The following GNL2 variants were observed in gnomAD, a reference collection of about 807,000 sequenced individuals.
GNL2 encodes nucleolar GTP-binding protein 2.
In GNL2, 51 loss-of-function variants were observed where a neutral mutation model predicts 92.3. The ratio of observed to expected loss-of-function variants is 0.55; its 90% CI spans 0.44 to 0.70. GNL2 has a LOEUF of 0.70. GNL2 is among the 30% of genes least tolerant of loss of function. The probability of loss-of-function intolerance (pLI) is 0.00; values close to 1 mark genes in which losing one functional copy is unlikely to be tolerated. For synonymous variants in GNL2, 283 were observed against 300.6 expected, an observed-to-expected ratio of 0.94 and a Z score of 0.61; for missense variants, 844 against 895.6, an observed-to-expected ratio of 0.94 and a Z score of 0.74.
intron 7 of GNL2, among the ~76,000 whole-genome samples, 154 bp from the exon 8 acceptor site, chr1:37,582,490 A>G (rs1643786167): frequency 6.6e-6 from 1 of 152,258 alleles, no homozygotes; most frequent in African/African-American, 2.4e-5. Flanking sequence ...TTCCAAGTAT[A>G]ACAGTTAATG....
At chr1:37,589,725 G>A (rs1643876702) in intron 4 of GNL2, among the ~76,000 whole-genome samples, 1 of 152,192 alleles carries the variant, frequency 6.6e-6, no homozygotes, top group Admixed American at 6.5e-5. Flanking sequence ...AAAATAAGCA[G>A]ACAAACAACA....
Position 37,593,783 on chromosome 1 carries a change from A to G in GNL2, c.128T>C (p.Met43Thr), listed in dbSNP as rs1643902910. The G allele has an allele frequency of 6.2e-7, 1 of 1,613,998 alleles. No individual in the cohort carries two copies. Among genetic ancestry groups the G allele is most frequent in the African/African-American group, 1.3e-5 (1 of 75,046 alleles). The change falls in exon 2 of 16, where the codon ATG (methionine) becomes ACG (threonine). Residue 43 changes from methionine to threonine, a missense_variant. Physicochemically the swap from Met to Thr is moderately conservative, Grantham distance 81. Coordinates refer to ENST00000373062, the MANE Select transcript of GNL2 (RefSeq NM_013285.3). ...RDRATIRRLN[M>T]YRQKERRNSR... ...TCACCTGCGCTCCTTTTGCCTATACATATTCAGGCGCCGGATGGTGGCCCG... is the reference window on the plus strand; with the variant it reads ...TCACCTGCGCTCCTTTTGCCTATACGTATTCAGGCGCCGGATGGTGGCCCG...
At chr1:37,584,461 T>TAAAA (rs377282004) in intron 5 of GNL2, among the ~76,000 whole-genome samples, 2 of 115,238 alleles carry the variant, frequency 1.7e-5, no homozygotes, top group East Asian at 2.6e-4. Flanking sequence ...AATAATTAAT[T>TAAAA]AAAAAAAAAA....
chr1:37,589,053 A>G (rs1643872058), intron 4 of GNL2, among the ~76,000 whole-genome samples: 2 of 152,210 alleles, frequency 1.3e-5, no homozygotes, highest in Admixed American at 6.5e-5. Context: ...TCTTCTCATA[A>G]ACAGGATTCA....
In GNL2 at chr1:37,587,364, C is replaced by T. The variant is rs912744418; in HGVS notation, c.516G>A (p.Glu172=). Residue 172 remains glutamate (E), a synonymous_variant, in exon 5 of 16, where the codon GAG becomes GAA. Transcript: ENST00000373062. ...SLIENAEMST[E]SYDQGKDRDL... ...CACGATCCTTGCCCTGGTCATAGCTCTCAGTGGACATTTCAGCATTTTCGA... is the reference window on the plus strand; with the variant it reads ...CACGATCCTTGCCCTGGTCATAGCTTTCAGTGGACATTTCAGCATTTTCGA... The T allele has an allele frequency of 2.5e-6, 4 of 1,613,474 alleles. No individual in the cohort carries two copies. Among genetic ancestry groups the T allele is most frequent in the East Asian group, 4.5e-5 (2 of 44,856 alleles).
intron 5 of GNL2, among the ~76,000 whole-genome samples, chr1:37,585,579 T>C (rs921866913): frequency 6.6e-6 from 1 of 152,196 alleles, no homozygotes; most frequent in Admixed American, 6.5e-5. Flanking sequence ...TAAACAAAAA[T>C]AGTTTTGTCT....
intron 10 of GNL2, 118 bp from the exon 11 acceptor site, chr1:37,574,941 T>C (rs1244369430): frequency 8.4e-6 from 6 of 714,980 alleles, no homozygotes; most frequent in African/African-American, 1.8e-5. Flanking sequence ...CTCGTGGAGA[T>C]TGGCAGGAGC....
chr1:37,569,142 A>T lies in GNL2; in HGVS notation c.1577T>A (p.Leu526His). Reference protein sequence around the residue: ...CDANTEMQQILTRVRQNFGKI... With the variant: ...CDANTEMQQIHTRVRQNFGKI... ...ACCAAAGTTCTGCCGAACTCGTGTG[A>T]GAATCTGCTGCATCTCTGTGTTAGC... The change falls in exon 13 of 16, where the codon CTC becomes CAC. Residue 526 changes from leucine to histidine, a missense_variant. Leu to His is a moderately conservative substitution (Grantham distance 99). Coordinates refer to ENST00000373062, the MANE Select transcript of GNL2 (RefSeq NM_013285.3). 6.2e-7 allele frequency: 1 copy of T among 1,614,160 alleles called. No individual in the cohort carries two copies. The highest frequency in any genetic ancestry group is 8.5e-7 in the Non-Finnish European group (1 of 1,180,010).
chr1:37,568,189 T>C, intron 14 of GNL2, 86 bp downstream of exon 14: 1 of 788,798 alleles, frequency 1.3e-6, no homozygotes, highest in Non-Finnish European at 2.2e-6. Context: ...TGTGGATGAC[T>C]GAGATAATTT....
intron 3 of GNL2, 40 bp downstream of exon 3, chr1:37,592,672 A>T (rs774843502): frequency 9.0e-7 from 1 of 1,109,270 alleles, no homozygotes; most frequent in Admixed American, 1.7e-5. Flanking sequence ...TCCACTCAGC[A>T]TATATTTTGT....
Position 37,566,942 on chromosome 1 carries a change from G to A in GNL2, c.2109C>T (p.Asn703=), listed in dbSNP as rs754537333. ...KVGVRYYETH[N]VKNRNRNKKK... ...TTTTGTTCCTGTTCCTATTTTTCAC[G>A]TTGTGTGTTTCATAGTAGCGCACAC... Residue 703 remains asparagine, a synonymous_variant, in exon 16 of 16, where the codon AAC becomes AAT. Coordinates refer to ENST00000373062, the MANE Select transcript of GNL2 (RefSeq NM_013285.3). 3.5e-5 allele frequency: 57 copies of A among 1,613,356 alleles called. No homozygotes were observed. The Middle Eastern group carries it at 8.2e-4, about 23-fold the overall frequency.
chr1:37,579,119 A>G (rs1358823607), intron 8 of GNL2, among the ~76,000 whole-genome samples: 5 of 152,242 alleles, frequency 3.3e-5, no homozygotes, highest in Non-Finnish European at 7.3e-5. Context: ...TCAAAACGTC[A>G]TTAATGATAC....
At chr1:37,578,982 G>A (rs1180839059) in intron 8 of GNL2, among the ~76,000 whole-genome samples, 1 of 152,004 alleles carries the variant, frequency 6.6e-6, no homozygotes, top group Non-Finnish European at 1.5e-5. Flanking sequence ...GGTTAAGACA[G>A]AACAAGACCC....
At chr1:37,578,578 A>G (rs1476765734) in intron 8 of GNL2, among the ~76,000 whole-genome samples, 2 of 151,216 alleles carry the variant, frequency 1.3e-5, no homozygotes, top group East Asian at 3.9e-4. Context: ...TTTTTTTTGA[A>G]ACAGGGTCTT....
At chr1:37,580,295 T>A (rs1325232356) in intron 8 of GNL2, among the ~76,000 whole-genome samples, 1 of 152,072 alleles carries the variant, frequency 6.6e-6, no homozygotes, top group South Asian at 2.1e-4. Context: ...CAAGACCCTG[T>A]CTCAAAACAA....
intron 8 of GNL2, among the ~76,000 whole-genome samples, chr1:37,579,113 AAC>A (rs1381794838): frequency 2.0e-5 from 3 of 152,366 alleles, no homozygotes; most frequent in African/African-American, 7.2e-5. Flanking sequence ...AAAATTTCAA[AAC>A]GTCATTAATG....
intron 15 of GNL2, 33 bp from the exon 16 acceptor site, chr1:37,567,040 A>G: frequency 1.3e-6 from 2 of 1,599,632 alleles, no homozygotes; most frequent in Non-Finnish European, 8.5e-7. Context: ...ATGAAGAAAA[A>G]AAACAACAAA....
At chr1:37,582,586 G>A (rs976521016) in intron 7 of GNL2, among the ~76,000 whole-genome samples, 192 bp downstream of exon 7, 22 of 152,354 alleles carry the variant, frequency 1.4e-4, no homozygotes, top group African/African-American at 5.0e-4. Context: ...AGCATAATGT[G>A]AAGCAGGCAG....
intron 12 of GNL2, chr1:37,570,697 T>C (rs1028329666): frequency 6.6e-5 from 10 of 152,194 alleles, no homozygotes; most frequent in African/African-American, 2.4e-4. Context: ...TTTCTGTTCA[T>C]TATAATTACC....
Sources: gnomAD v4.1 joint callset for allele counts (sites outside exome capture counted in the v4.1 genomes callset) on GRCh38, gnomAD v4.1.1 for gene constraint, MANE v1.5 for transcripts, NCBI Gene and HGNC (gene_info 2026-07-23, HGNC 2026-07-21) for gene names.